The following SLC5A10 variants were observed in gnomAD, a reference collection of about 807,000 sequenced individuals.
The protein encoded by SLC5A10 is sodium/mannose cotransporter SLC5A10.
In SLC5A10, 55 loss-of-function variants were observed where a neutral mutation model predicts 68.9. The observed-to-expected ratio is 0.80, with a 90% CI of 0.64 to 1.00. SLC5A10 has a LOEUF of 1.00. Among genes scored for constraint, SLC5A10 ranks in the 50% least tolerant of loss-of-function variants. The probability of loss-of-function intolerance (pLI) is 0.00; values close to 1 mark genes in which losing one functional copy is unlikely to be tolerated. For synonymous variants in SLC5A10, 344 were observed against 344.8 expected, an observed-to-expected ratio of 1.00 and a Z score of 0.02; for missense variants, 732 against 819.3, an observed-to-expected ratio of 0.89 and a Z score of 1.30.
rs112661054 is a variant in SLC5A10, at chr17:18,986,918, G to A, written c.982+9929G>A. On this transcript the variant is annotated intron_variant, in intron 9 of 14. Transcript: ENST00000395645. ...GCATGAGCTATCTGCCACTGGAATC[G>A]ATTCCCAGCACTAATTACGCGGCGG... 1.9e-3 allele frequency among the ~76,000 whole-genome samples: 284 copies of A among 152,340 alleles called. 1 individual carries two copies. The highest frequency in any genetic ancestry group is 6.5e-3 in the African/African-American group (269 of 41,582).
Position 19,015,239 on chromosome 17 carries a change from A to G in SLC5A10, c.1241+40A>G, listed in dbSNP as rs200517724. ...GCCAGTACGGGGGTGGGGGAACACT[A>G]CAAGGGTGGGCGCCCGCACTGACTT... is the stretch of plus-strand genomic sequence containing the variant. On this transcript the variant is annotated intron_variant, in intron 11 of 14. Coordinates refer to ENST00000395645, the MANE Select transcript of SLC5A10 (RefSeq NM_001042450.4). 6.4e-5 allele frequency: 54 copies of G among 842,228 alleles called. No individual in the cohort carries two copies. The East Asian group carries it at 1.3e-3, about 20-fold the overall frequency. 52.2% of individuals were successfully genotyped at this position (842,228 alleles called of 1,614,324 possible).
chr17:18,957,601 G>T (rs533283488), intron 1 of SLC5A10, among the ~76,000 whole-genome samples: 13 of 152,218 alleles, frequency 8.5e-5, no homozygotes, highest in Non-Finnish European at 1.9e-4. Flanking sequence ...GAGTAGCTGG[G>T]ACTACAGGCG....
At chr17:18,978,293 T>C in intron 9 of SLC5A10, 1 of 1,611,300 alleles carries the variant, frequency 6.2e-7, no homozygotes, top group South Asian at 1.1e-5. Context: ...CAGCTGGTGC[T>C]GGGCGCTGGC....
rs750073061 is a variant in SLC5A10 at position 18,976,881 on chromosome 17, C to T, written c.874C>T (p.Arg292Trp). ...CATCGTGCAGCGATCACTGTCAGCC[C>T]GGGACCTGAACCATGCCAAGGCGGG... ...QVIVQRSLSA[R>W]DLNHAKAGSI... Residue 292 changes from arginine to tryptophan, a missense_variant, in exon 9 of 15, where the codon CGG (arginine) becomes TGG (tryptophan). Physicochemically the swap from Arg to Trp is moderately radical, Grantham distance 101. Coordinates refer to ENST00000395645, the MANE Select transcript of SLC5A10 (RefSeq NM_001042450.4). 4.1e-5 allele frequency: 66 copies of T among 1,613,480 alleles called. No homozygotes were observed. In the Admixed American group the frequency reaches 4.8e-4, roughly 12 times the overall value.
chr17:18,952,335 G>T lies in SLC5A10; in HGVS notation c.111+19G>T. On this transcript the variant is annotated intron_variant, in intron 1 of 14. Transcript: ENST00000395645. ...CATATGGGTAAGGGGACCTGTGGTG[G>T]TGTTGGCCAAGTGGGCTCTCAGGGT... is the stretch of plus-strand genomic sequence containing the variant. 2 of 1,603,690 alleles carry T rather than the reference G, an allele frequency of 1.2e-6. No homozygotes were observed. Among genetic ancestry groups the T allele is most frequent in the Non-Finnish European group, 8.5e-7 (1 of 1,174,876 alleles).
intron 9 of SLC5A10, among the ~76,000 whole-genome samples, chr17:19,007,283 A>C (rs2043914277): frequency 6.6e-6 from 1 of 151,058 alleles, no homozygotes; most frequent in South Asian, 2.1e-4. Flanking sequence ...ATGTCATTGA[A>C]TCTCTTTTCA....
rs373304056 is a variant in SLC5A10 at position 18,963,323 on chromosome 17, G to T, written c.453+2671G>T. Among the ~76,000 whole-genome samples, 30 of 152,328 alleles carry T rather than the reference G, an allele frequency of 2.0e-4. No individual in the cohort carries two copies. The South Asian group carries it at 6.2e-3, about 32-fold the overall frequency. On this transcript the variant is annotated intron_variant, in intron 5 of 14. Transcript: ENST00000395645. ...GACTACTGTTAGAACCCAGGTCTGT[G>T]CCTCCCACCACAAGAGGCCCAACCT...
chr17:19,003,771 CGGGCCCCTGAGAGG>C lies in SLC5A10; in HGVS notation c.983-9636_983-9623del, dbSNP rs1567807474. On this transcript the variant is annotated intron_variant, in intron 9 of 14. Coordinates refer to ENST00000395645, the MANE Select transcript of SLC5A10 (RefSeq NM_001042450.4). This position sits in a 1 kb window ranked among gnomAD's most constrained non-coding sequence, Gnocchi z 4.5. ...TCGCCGTCGCCGACCCCATTGTCCT[CGGGCCCCTGAGAGG>C]GGCCCGTGCCCCGAGGGTCCTCAGA... is the stretch of plus-strand genomic sequence containing the variant. 6.2e-7 allele frequency: 1 copy of C among 1,610,040 alleles called. No homozygotes were observed.
At chr17:18,976,635 A>C in intron 8 of SLC5A10, 7 of 562,538 alleles carry the variant, frequency 1.2e-5, no homozygotes, top group African/African-American at 1.9e-5. Flanking sequence ...GTCCCTGGGA[A>C]TGAGTGTACC....
At chr17:18,953,844 C>T (rs769785600) in intron 1 of SLC5A10, 3 of 152,602 alleles carry the variant, frequency 2.0e-5, no homozygotes, top group Non-Finnish European at 4.4e-5. Flanking sequence ...GGCAGGTATT[C>T]TGTAAGTATC....
At position 19,004,303 on chromosome 17, in the gene SLC5A10, G is replaced by C. The variant is rs1341337172; in HGVS notation, c.983-9107G>C. 11 of 467,488 alleles carry C rather than the reference G, an allele frequency of 2.4e-5. No homozygotes were observed. The highest frequency in any genetic ancestry group is 4.2e-5 in the Non-Finnish European group (11 of 264,288). 29.0% of individuals were successfully genotyped at this position (467,488 alleles called of 1,614,324 possible). ...GGGGCTGGGGCTGGGAAGATGAGGT[G>C]GGGGCACTGGACTGGGATGGGAAGA... On this transcript the variant is annotated intron_variant, in intron 9 of 14. Transcript: ENST00000395645. The surrounding 1 kb of genome is among the most constrained non-coding windows in gnomAD (Gnocchi z 5.4).
chr17:19,016,442 C>T (rs2044143307), intron 11 of SLC5A10, among the ~76,000 whole-genome samples: 1 of 152,188 alleles, frequency 6.6e-6, no homozygotes, highest in Non-Finnish European at 1.5e-5. Flanking sequence ...TTGTTGTCCT[C>T]TGAGCAGTGT....
At position 19,020,543 on chromosome 17, in the gene SLC5A10, C is replaced by A; in HGVS notation, c.*112C>A. 1.0e-6 allele frequency: 1 copy of A among 1,001,716 alleles called. No homozygotes were observed. Among genetic ancestry groups the A allele is most frequent in the Non-Finnish European group, 1.5e-6 (1 of 683,652 alleles). The allele number at this position is 1,001,716 out of a possible 1,614,324, so 62.1% of individuals were successfully genotyped here. A position where few individuals can be genotyped will look rare whatever the true frequency, so the allele number is the denominator to read the frequency against. On this transcript the variant is annotated 3_prime_UTR_variant, in exon 15 of 15. Coordinates refer to ENST00000395645, the MANE Select transcript of SLC5A10 (RefSeq NM_001042450.4). ...GCAGATTCCCCTCACAGCTGCACAG[C>A]AGCTCGGTGCCCAAGAACTGGCCAA...
chr17:18,954,512 C>G (rs1427680341), intron 1 of SLC5A10, among the ~76,000 whole-genome samples: 1 of 152,182 alleles, frequency 6.6e-6, no homozygotes, highest in African/African-American at 2.4e-5. Flanking sequence ...GGCAAGAGAG[C>G]AGTGAGCACA....
Position 19,003,743 on chromosome 17 carries a change from T to A in SLC5A10, c.983-9667T>A. The A allele has an allele frequency of 6.2e-7, 1 of 1,605,164 alleles. No individual in the cohort carries two copies. Among genetic ancestry groups the A allele is most frequent in the Non-Finnish European group, 8.5e-7 (1 of 1,175,818 alleles). On this transcript the variant is annotated intron_variant, in intron 9 of 14. Transcript: ENST00000395645. This position sits in a 1 kb window ranked among gnomAD's most constrained non-coding sequence, Gnocchi z 4.5. Reference sequence around the variant, plus strand: ...GGGGACCCCATCCGCCCCGCTGGCTTCCTCGCCGTCGCCGACCCCATTGTC... The same window carrying A: ...GGGGACCCCATCCGCCCCGCTGGCTACCTCGCCGTCGCCGACCCCATTGTC...
intron 9 of SLC5A10, chr17:18,978,798 C>T: frequency 6.2e-7 from 1 of 1,612,998 alleles, no homozygotes; most frequent in Non-Finnish European, 8.5e-7. Context: ...ACCACCTGGC[C>T]AGACAGCACA....
intron 9 of SLC5A10, among the ~76,000 whole-genome samples, chr17:18,981,685 C>T (rs1480153164): frequency 6.6e-6 from 1 of 152,180 alleles, no homozygotes; most frequent in Non-Finnish European, 1.5e-5. Flanking sequence ...CATCTGATGC[C>T]CACCTGTGGG....
intron 1 of SLC5A10, chr17:18,953,682 C>A (rs2151988408): frequency 6.5e-6 from 1 of 152,734 alleles, no homozygotes; most frequent in African/African-American, 2.4e-5. Flanking sequence ...ATAAGAGTAG[C>A]AGCCGCAGTC....
intron 1 of SLC5A10, among the ~76,000 whole-genome samples, chr17:18,954,655 G>T (rs1443052882): frequency 6.6e-6 from 1 of 152,262 alleles, no homozygotes; most frequent in Non-Finnish European, 1.5e-5. Flanking sequence ...TCTGGCGGGG[G>T]CCGGGGGGAG....
Sources: gnomAD v4.1 joint callset for allele counts (sites outside exome capture counted in the v4.1 genomes callset) on GRCh38, gnomAD v4.1.1 for gene constraint, Gnocchi (gnomAD v3.1) non-coding constraint, MANE v1.5 for transcripts, NCBI Gene and HGNC (gene_info 2026-07-23, HGNC 2026-07-21) for gene names.